KCNQ1: variants seen among roughly 807,000 people sequenced by gnomAD.
The protein encoded by KCNQ1 is potassium voltage-gated channel subfamily KQT member 1.
A neutral mutation model predicts 72.4 loss-of-function variants in KCNQ1; 49 were observed. That is an observed-to-expected ratio of 0.68 (90% CI 0.54 to 0.86). The LOEUF (loss-of-function observed/expected upper bound fraction) is 0.86. Among genes scored for constraint, KCNQ1 ranks in the 40% least tolerant of loss-of-function variants. KCNQ1 has a pLI of 0.00. For missense variants in KCNQ1, 790 were observed against 945.1 expected (o/e 0.84, Z 2.15); for synonymous variants, 450 against 412.6 (o/e 1.09, Z -1.10).
intron 15 of KCNQ1, among the ~76,000 whole-genome samples, chr11:2,837,757 G>A (rs1848105820): frequency 4.6e-5 from 7 of 152,234 alleles, no homozygotes; most frequent in Admixed American, 4.6e-4. Flanking sequence ...GCTCCAGGAG[G>A]CAGGGCCAGC....
chr11:2,679,107 G>T lies in KCNQ1; in HGVS notation c.1514+17026G>T, dbSNP rs933567426. Reference sequence around the variant, plus strand: ...GTGTCATAGCTAGAGCTAGAGTGCTGTTATAAGCTGTGCAGGCCAAAATGG... The same window carrying T: ...GTGTCATAGCTAGAGCTAGAGTGCTTTTATAAGCTGTGCAGGCCAAAATGG... On this transcript the variant is annotated intron_variant, in intron 11 of 15. Transcript: ENST00000155840. This position sits in a 1 kb window ranked among gnomAD's most constrained non-coding sequence, Gnocchi z 4.8. 3 of 398,548 alleles carry T rather than the reference G, an allele frequency of 7.5e-6. No individual in the cohort carries two copies. The highest frequency in any genetic ancestry group is 1.3e-5 in the Non-Finnish European group (3 of 226,074). The allele number at this position is 398,548 out of a possible 1,614,324, so 24.7% of individuals were successfully genotyped here. A position where few individuals can be genotyped will look rare whatever the true frequency, so the allele number is the denominator to read the frequency against.
rs1390812118 is a variant in KCNQ1, at chr11:2,477,182, G to C, written c.386+31698G>C. 6.6e-6 allele frequency among the ~76,000 whole-genome samples: 1 copy of C among 152,224 alleles called. No individual in the cohort carries two copies. The highest frequency in any genetic ancestry group is 2.4e-5 in the African/African-American group (1 of 41,460). ...TGACGGTGAACACATTGGCAGGTGA[G>C]ATATGTGGAGACATGGCACGTGGTG... On this transcript the variant is annotated intron_variant, in intron 1 of 15. Coordinates refer to ENST00000155840, the MANE Select transcript of KCNQ1 (RefSeq NM_000218.3). This position sits in a 1 kb window ranked among gnomAD's most constrained non-coding sequence, Gnocchi z 5.0.
chr11:2,766,670 G>A lies in KCNQ1; in HGVS notation c.1515-2174G>A, dbSNP rs997174641. On this transcript the variant is annotated intron_variant, in intron 11 of 15. Transcript: ENST00000155840. This position sits in a 1 kb window ranked among gnomAD's most constrained non-coding sequence, Gnocchi z 4.4. Reference sequence around the variant, plus strand: ...AAAATTCACTCACCCCCCTCCCGACGATACCTAAAATTCTCACCCAATTAC... The same window carrying A: ...AAAATTCACTCACCCCCCTCCCGACAATACCTAAAATTCTCACCCAATTAC... Among the ~76,000 whole-genome samples the A allele has an allele frequency of 2.0e-5, 3 of 152,016 alleles. No homozygotes were observed. The highest frequency in any genetic ancestry group is 2.1e-4 in the South Asian group (1 of 4,818).
At position 2,645,742 on chromosome 11, in the gene KCNQ1, G is replaced by C. The variant is rs1029460935; in HGVS notation, c.1394-16219G>C. ...GCTTTGTGTAAGGGATGTCCATGGGGCTCCAGGGATGAGATAGAGGGATGT... is the reference window on the plus strand; with the variant it reads ...GCTTTGTGTAAGGGATGTCCATGGGCCTCCAGGGATGAGATAGAGGGATGT... On this transcript the variant is annotated intron_variant, in intron 10 of 15. Transcript: ENST00000155840. This position sits in a 1 kb window ranked among gnomAD's most constrained non-coding sequence, Gnocchi z 5.8. 1.5e-5 allele frequency: 6 copies of C among 398,752 alleles called. No homozygotes were observed. The highest frequency in any genetic ancestry group is 7.1e-5 in the East Asian group (2 of 28,082). The allele number at this position is 398,752 out of a possible 1,614,324, so 24.7% of individuals were successfully genotyped here.
At position 2,766,160 on chromosome 11, in the gene KCNQ1, A is replaced by T. The variant is rs1846495070; in HGVS notation, c.1515-2684A>T. On this transcript the variant is annotated intron_variant, in intron 11 of 15. Transcript: ENST00000155840. This position sits in a 1 kb window ranked among gnomAD's most constrained non-coding sequence, Gnocchi z 4.4. ...CTCTGGTAAAATTGTCTATCTTTTC[A>T]TCTATTTTCTTGAACCTATTTATCA... is the stretch of plus-strand genomic sequence containing the variant. Among the ~76,000 whole-genome samples the T allele has an allele frequency of 6.6e-6, 1 of 152,004 alleles. No homozygotes were observed. Among genetic ancestry groups the T allele is most frequent in the Admixed American group, 6.6e-5 (1 of 15,262 alleles).
intron 6 of KCNQ1, among the ~76,000 whole-genome samples, chr11:2,581,757 A>C (rs1349845043): frequency 6.6e-6 from 1 of 152,192 alleles, no homozygotes; most frequent in African/African-American, 2.4e-5. Flanking sequence ...GCACGTGTGG[A>C]GCATCCCATC....
chr11:2,467,365 C>A (rs758853998), intron 1 of KCNQ1, among the ~76,000 whole-genome samples: 1 of 152,100 alleles, frequency 6.6e-6, no homozygotes, highest in Non-Finnish European at 1.5e-5. Flanking sequence ...TTGGTCCTCA[C>A]GGAGGAGGCT....
At position 2,627,996 on chromosome 11, in the gene KCNQ1, T is replaced by C; in HGVS notation, c.1394-33965T>C. On this transcript the variant is annotated intron_variant, in intron 10 of 15. Transcript: ENST00000155840. This position sits in a 1 kb window ranked among gnomAD's most constrained non-coding sequence, Gnocchi z 4.9. ...CAAACTCCTGTGTTCAAGCTATCCTTCACCTTGGCCACCCCCAAGTACTGG... is the reference window on the plus strand; with the variant it reads ...CAAACTCCTGTGTTCAAGCTATCCTCCACCTTGGCCACCCCCAAGTACTGG... The C allele has an allele frequency of 2.5e-6, 1 of 398,572 alleles. No individual in the cohort carries two copies. The allele number at this position is 398,572 out of a possible 1,614,324, so 24.7% of individuals were successfully genotyped here.
At chr11:2,618,318 C>CA (rs1849103203) in intron 10 of KCNQ1, 3 of 398,216 alleles carry the variant, frequency 7.5e-6, no homozygotes, top group African/African-American at 2.1e-5. Flanking sequence ...TAAAAAAATG[C>CA]AAAAAAATTC....
At chr11:2,568,826 A>G (rs1848284183) in intron 2 of KCNQ1, among the ~76,000 whole-genome samples, 1 of 152,028 alleles carries the variant, frequency 6.6e-6, no homozygotes, top group Non-Finnish European at 1.5e-5. Context: ...CACCCCCCCC[A>G]TGAGGCCACA....
intron 11 of KCNQ1, chr11:2,697,490 G>C (rs1850697422): frequency 5.0e-6 from 2 of 398,566 alleles, no homozygotes; most frequent in Non-Finnish European, 8.8e-6. Context: ...GAAAAGTTAA[G>C]TTTTGGTTTA....
At chr11:2,774,749 G>C (rs550809676) in intron 12 of KCNQ1, among the ~76,000 whole-genome samples, 1 of 152,322 alleles carries the variant, frequency 6.6e-6, no homozygotes, top group African/African-American at 2.4e-5. Context: ...TCCCAGGGTA[G>C]AAGTGGCTGC....
chr11:2,592,132 C>T lies in KCNQ1; in HGVS notation c.1393+3278C>T, dbSNP rs753429316. On this transcript the variant is annotated intron_variant, in intron 10 of 15. Transcript: ENST00000155840. The surrounding 1 kb of genome is among the most constrained non-coding windows in gnomAD (Gnocchi z 5.2). Reference sequence around the variant, plus strand: ...AAGTCCCCTTGACCCTGCCTCAGGGCTGCTACCTGTCTGCGCCATCCACCT... The same window carrying T: ...AAGTCCCCTTGACCCTGCCTCAGGGTTGCTACCTGTCTGCGCCATCCACCT... Among the ~76,000 whole-genome samples the T allele has an allele frequency of 2.0e-5, 3 of 152,274 alleles. No homozygotes were observed. The highest frequency in any genetic ancestry group is 4.4e-5 in the Non-Finnish European group (3 of 68,050).
intron 10 of KCNQ1, chr11:2,656,553 C>T (rs1400049334): frequency 5.0e-6 from 2 of 398,580 alleles, no homozygotes; most frequent in Non-Finnish European, 8.8e-6. Context: ...CACCTTTCCA[C>T]ATGCTCATCA....
rs974805151 is a variant in KCNQ1, at chr11:2,679,306, G to A, written c.1514+17225G>A. 6 of 398,412 alleles carry A rather than the reference G, an allele frequency of 1.5e-5. No homozygotes were observed. Among genetic ancestry groups the A allele is most frequent in the Non-Finnish European group, 2.7e-5 (6 of 226,060 alleles). The allele number at this position is 398,412 out of a possible 1,614,324, so 24.7% of individuals were successfully genotyped here. On this transcript the variant is annotated intron_variant, in intron 11 of 15. Coordinates refer to ENST00000155840, the MANE Select transcript of KCNQ1 (RefSeq NM_000218.3). The surrounding 1 kb of genome is among the most constrained non-coding windows in gnomAD (Gnocchi z 4.8). Reference sequence around the variant, plus strand: ...AGCCAAAGACAGGGGCTAATAACAGGGTCTGGAGTCTGAACTCATATCCTA... The same window carrying A: ...AGCCAAAGACAGGGGCTAATAACAGAGTCTGGAGTCTGAACTCATATCCTA...
intron 15 of KCNQ1, among the ~76,000 whole-genome samples, chr11:2,791,569 G>GGCCGT (rs1847023106): frequency 6.6e-6 from 1 of 152,134 alleles, no homozygotes; most frequent in African/African-American, 2.4e-5. Flanking sequence ...TGGCCGTGCC[G>GGCCGT]GCTGGGCTGG....
chr11:2,445,555 C>T, intron 1 of KCNQ1, 71 bp downstream of exon 1: 2 of 1,528,088 alleles, frequency 1.3e-6, no homozygotes, highest in East Asian at 2.3e-5. Context: ...AGCTCTGTCC[C>T]AGCGCCACCT....
Position 2,654,965 on chromosome 11 carries a change from T to A in KCNQ1, c.1394-6996T>A. 1 of 398,566 alleles carries A rather than the reference T, an allele frequency of 2.5e-6. No individual in the cohort carries two copies. The highest frequency in any genetic ancestry group is 4.4e-6 in the Non-Finnish European group (1 of 226,064). The allele number at this position is 398,566 out of a possible 1,614,324, so 24.7% of individuals were successfully genotyped here. On this transcript the variant is annotated intron_variant, in intron 10 of 15. Transcript: ENST00000155840. This position sits in a 1 kb window ranked among gnomAD's most constrained non-coding sequence, Gnocchi z 6.4. ...TTCCACAAATTATTGTTTCTTGACT[T>A]GGAAAAGTATCATGCAAAATAGAAA... is the stretch of plus-strand genomic sequence containing the variant.
rs2133682027 is a variant in KCNQ1 at position 2,543,972 on chromosome 11, A to G, written c.477+15954A>G. ...TGATCTGTCCTTTTGCCAGTCACAC[A>G]CTGGGATTGTTACAGCCCTATAATA... On this transcript the variant is annotated intron_variant, in intron 2 of 15. Transcript: ENST00000155840. This position sits in a 1 kb window ranked among gnomAD's most constrained non-coding sequence, Gnocchi z 5.6. 6.6e-6 allele frequency among the ~76,000 whole-genome samples: 1 copy of G among 152,318 alleles called. No homozygotes were observed. The highest frequency in any genetic ancestry group is 2.4e-5 in the African/African-American group (1 of 41,564).
Sources: gnomAD v4.1 joint callset for allele counts (sites outside exome capture counted in the v4.1 genomes callset) on GRCh38, gnomAD v4.1.1 for gene constraint, Gnocchi (gnomAD v3.1) non-coding constraint, MANE v1.5 for transcripts, NCBI Gene and HGNC (gene_info 2026-07-23, HGNC 2026-07-21) for gene names.